Variants in IGSF10 observed in about 807,000 individuals in gnomAD.
IGSF10 encodes calvaria mechanical force protein 608.
IGSF10 carries 126 observed loss-of-function variants against 128.2 expected under a neutral mutation model. That is an observed-to-expected ratio of 0.98 (90% CI 0.85 to 1.14). The LOEUF (loss-of-function observed/expected upper bound fraction) is 1.14, where lower values mean the gene tolerates loss of function less well. Ranked by LOEUF, IGSF10 falls within the 50% of genes most tolerant of loss-of-function variation. IGSF10 has a pLI of 0.00. For synonymous variants in IGSF10, 1,185 were observed against 1,146.2 expected (o/e 1.03, Z -0.68); for missense variants, 3,295 against 3,149.8 (o/e 1.05, Z -1.10).
chr3:151,438,246 G>A lies in IGSF10; in HGVS notation c.6315C>T (p.Tyr2105=), dbSNP rs975322538. 2 of 1,613,952 alleles carry A rather than the reference G, an allele frequency of 1.2e-6. No homozygotes were observed. Among genetic ancestry groups the A allele is most frequent in the South Asian group, 1.1e-5 (1 of 91,090 alleles). Residue 2105 remains tyrosine (Y), a synonymous_variant, in exon 8 of 8, where the codon TAC becomes TAT. Transcript: ENST00000282466. ...RYTLFNNGTL[Y]FNKVGVAEEG... ...CCTCCGCTACCCCAACTTTGTTGAA[G>A]TATAAAGTTCCATTGTTGAAAAGGG... is the stretch of plus-strand genomic sequence containing the variant.
the IGSF10 span, among the ~76,000 whole-genome samples, chr3:151,524,994 C>A: frequency 1.7e-4 from 21 of 121,036 alleles, no homozygotes; most frequent in African/African-American, 6.0e-4. Context: ...TTTAAAAATG[C>A]ATTACACCTT....
At chr3:151,444,749 C>G (rs935792416) in intron 6 of IGSF10, among the ~76,000 whole-genome samples, 170 bp downstream of exon 6, 4 of 152,200 alleles carry the variant, frequency 2.6e-5, no homozygotes, top group African/African-American at 9.7e-5. Context: ...CATATTTAAT[C>G]CCTTCTGATG....
At position 151,458,601 on chromosome 3, in the gene IGSF10, T is replaced by C. The variant is rs753549350; in HGVS notation, c.109A>G (p.Met37Val). 1.9e-6 allele frequency: 3 copies of C among 1,614,148 alleles called. No individual in the cohort carries two copies. The highest frequency in any genetic ancestry group is 1.1e-5 in the South Asian group (1 of 91,078). The change falls in exon 3 of 8, where the codon ATG becomes GTG. Residue 37 changes from methionine (M) to valine (V), a missense_variant. By Grantham distance (21) the Met-to-Val change is conservative. Transcript: ENST00000282466. ...AATGTGCAGTGTACCTCCGTAGGCA[T>C]ATAACAGGCACAGCGGCGAGGACAG... is the stretch of plus-strand genomic sequence containing the variant. ...KACPRRCACY[M>V]PTEVHCTFRY...
the IGSF10 span, among the ~76,000 whole-genome samples, chr3:151,485,038 AG>A: frequency 1.1e-4 from 17 of 152,318 alleles, 1 homozygote; most frequent in South Asian, 8.3e-4. Flanking sequence ...ACCCAATGCA[AG>A]GAAGCTAGCC....
At chr3:151,462,641 C>T (rs116594935), upstream of IGSF10, among the ~76,000 whole-genome samples, 1 of 152,174 alleles carries the variant, frequency 6.6e-6, no homozygotes, top group East Asian at 1.9e-4. Flanking sequence ...ATGGTCTGAA[C>T]GTTTAACCAT....
chr3:151,513,366 A>G, the IGSF10 span, among the ~76,000 whole-genome samples: 1 of 152,206 alleles, frequency 6.6e-6, no homozygotes, highest in Admixed American at 6.5e-5. Context: ...ACAAAAGACA[A>G]AAACTACATG....
chr3:151,453,252 C>CAAGA, intron 5 of IGSF10, 132 bp downstream of exon 5: 5 of 740,790 alleles, frequency 6.7e-6, no homozygotes, highest in Non-Finnish European at 1.1e-5. Flanking sequence ...GTAAATAATT[C>CAAGA]ATTATTCTTG....
chr3:151,539,446 A>G, the IGSF10 span, among the ~76,000 whole-genome samples: 1 of 152,148 alleles, frequency 6.6e-6, no homozygotes, highest in Non-Finnish European at 1.5e-5. Flanking sequence ...TGCTTAGAAA[A>G]ACCAGAGGAG....
At chr3:151,572,000 C>T in the IGSF10 span, among the ~76,000 whole-genome samples, 1 of 152,130 alleles carries the variant, frequency 6.6e-6, no homozygotes, top group Admixed American at 6.5e-5. Flanking sequence ...GTCTTTGGTT[C>T]TGTTTATGTG....
chr3:151,517,888 C>T, the IGSF10 span, among the ~76,000 whole-genome samples: 1 of 151,864 alleles, frequency 6.6e-6, no homozygotes, highest in African/African-American at 2.4e-5. Flanking sequence ...TAAGGAGGTA[C>T]CCTCTACTCT....
chr3:151,452,065 A>C (rs1351660440), intron 5 of IGSF10, among the ~76,000 whole-genome samples: 1 of 152,160 alleles, frequency 6.6e-6, no homozygotes, highest in African/African-American at 2.4e-5. Flanking sequence ...AAATCATGAA[A>C]ATTTTTCAAA....
At chr3:151,471,062 C>T in the IGSF10 span, among the ~76,000 whole-genome samples, 1 of 151,880 alleles carries the variant, frequency 6.6e-6, no homozygotes, top group African/African-American at 2.4e-5. Context: ...TGTAATAATC[C>T]CTGTGGGGAT....
chr3:151,555,097 C>G, the IGSF10 span, among the ~76,000 whole-genome samples: 1 of 152,056 alleles, frequency 6.6e-6, no homozygotes, highest in South Asian at 2.1e-4. Context: ...TTAGCAAAGG[C>G]TGGAAGAGAA....
downstream of IGSF10, chr3:151,432,630 T>C: frequency 1.4e-6 from 1 of 717,622 alleles, no homozygotes. Context: ...AGGATAGTAC[T>C]CTCCGGCCAT....
chr3:151,440,400 T>C (rs965248954), intron 7 of IGSF10, among the ~76,000 whole-genome samples: 15 of 152,136 alleles, frequency 9.9e-5, no homozygotes, highest in Admixed American at 5.9e-4. Flanking sequence ...GAGAAAATTT[T>C]TTTTTCCCCA....
At chr3:151,550,794 T>A in the IGSF10 span, among the ~76,000 whole-genome samples, 1 of 152,010 alleles carries the variant, frequency 6.6e-6, no homozygotes, top group African/African-American at 2.4e-5. Context: ...TACCCTGGAG[T>A]TGATCCTATC....
the IGSF10 span, among the ~76,000 whole-genome samples, chr3:151,517,000 C>T: frequency 6.6e-6 from 1 of 151,744 alleles, no homozygotes; most frequent in African/African-American, 2.4e-5. Context: ...TGTGACATTG[C>T]CTGGAAGTCT....
chr3:151,615,087 G>A, the IGSF10 span, among the ~76,000 whole-genome samples: 7 of 151,350 alleles, frequency 4.6e-5, no homozygotes, highest in East Asian at 1.4e-3. Flanking sequence ...GGTAAGTTTT[G>A]TTTACATATT....
At chr3:151,467,770 G>A in the IGSF10 span, among the ~76,000 whole-genome samples, 1 of 151,890 alleles carries the variant, frequency 6.6e-6, no homozygotes, top group Non-Finnish European at 1.5e-5. Context: ...TGTAGTCCCA[G>A]CTACTCGGGA....
Sources: gnomAD v4.1 joint callset for allele counts (sites outside exome capture counted in the v4.1 genomes callset) on GRCh38, gnomAD v4.1.1 for gene constraint, MANE v1.5 for transcripts, NCBI Gene and HGNC (gene_info 2026-07-23, HGNC 2026-07-21) for gene names.